OSBPL1A: variants seen among roughly 807,000 people sequenced by gnomAD.
OSBPL1A encodes the protein oxysterol-binding protein-related protein 1.
Under a neutral mutation model 137.1 loss-of-function variants are expected in OSBPL1A, and 80 were observed. That is an observed-to-expected ratio of 0.58 (90% CI 0.49 to 0.70). The LOEUF is 0.70. OSBPL1A is among the 30% of genes least tolerant of loss of function. OSBPL1A has a pLI of 0.00. For synonymous variants in OSBPL1A, 365 were observed against 389.7 expected (o/e 0.94, Z 0.75); for missense variants, 970 against 1,129.4 (o/e 0.86, Z 2.02).
At chr18:24,272,088 T>G (rs955262595) in intron 15 of OSBPL1A, 2 of 982,348 alleles carry the variant, frequency 2.0e-6, no homozygotes. Flanking sequence ...GAGGCGCAGG[T>G]AGGGACCGCC....
Position 24,344,068 on chromosome 18 carries a change from C to T in OSBPL1A, c.283-2410G>A, listed in dbSNP as rs117390836. 9.9e-4 allele frequency among the ~76,000 whole-genome samples: 150 copies of T among 152,242 alleles called. 1 individual carries two copies. In the East Asian group the frequency reaches 0.018, roughly 19 times the overall value. Reference sequence around the variant, plus strand: ...ATGTATCTAACAAGGGATTTATATACAGAATATGCAAAGAATGTCTAAAAC... The same window carrying T: ...ATGTATCTAACAAGGGATTTATATATAGAATATGCAAAGAATGTCTAAAAC... On this transcript the variant is annotated intron_variant, in intron 4 of 27. Transcript: ENST00000319481.
chr18:24,227,689 C>A (rs1205887639), intron 16 of OSBPL1A, among the ~76,000 whole-genome samples: 1 of 152,050 alleles, frequency 6.6e-6, no homozygotes, highest in East Asian at 1.9e-4. Flanking sequence ...GAGAGAGGTG[C>A]TCCAGGAGGC....
intron 2 of OSBPL1A, among the ~76,000 whole-genome samples, chr18:24,375,371 C>T (rs2146202771): frequency 7.0e-6 from 1 of 142,222 alleles, no homozygotes; most frequent in Middle Eastern, 3.6e-3. Flanking sequence ...CTAACGTTTA[C>T]TCTCCCCATA....
intron 15 of OSBPL1A, among the ~76,000 whole-genome samples, chr18:24,277,270 G>A (rs2089863423): frequency 6.7e-6 from 1 of 150,258 alleles, no homozygotes; most frequent in Non-Finnish European, 1.5e-5. Flanking sequence ...TAAAATTATG[G>A]TCTGACAAGG....
Position 24,163,223 on chromosome 18 carries a change from T to C in OSBPL1A, c.2809A>G (p.Ser937Gly). The C allele has an allele frequency of 6.2e-7, 1 of 1,613,726 alleles. No individual in the cohort carries two copies. Among genetic ancestry groups the C allele is most frequent in the South Asian group, 1.1e-5 (1 of 91,036 alleles). The change falls in exon 28 of 28, where the codon AGC becomes GGC. Residue 937 changes from serine (S) to glycine (G), a missense_variant. Physicochemically the swap from Ser to Gly is moderately conservative, Grantham distance 56. This residue lies in a region of OSBPL1A where 323 missense variants were observed against 456.8 expected (regional missense o/e 0.71). Transcript: ENST00000319481. ...TTGAAGTAATTTCTGTCCCAGTAGC[T>C]GCCAGAGTAAATCCAGTCCTGTGCT... ...NGAQDWIYSGSYWDRNYFNLP... is the reference protein window; with the variant it reads ...NGAQDWIYSGGYWDRNYFNLP...
chr18:24,187,171 T>C (rs2086771438), intron 18 of OSBPL1A, among the ~76,000 whole-genome samples: 2 of 152,242 alleles, frequency 1.3e-5, no homozygotes, highest in South Asian at 4.2e-4. Flanking sequence ...GTAAGGTTGC[T>C]ACAGATAAAT....
chr18:24,180,987 C>T (rs1385185356), intron 19 of OSBPL1A, among the ~76,000 whole-genome samples, 158 bp downstream of exon 19: 1 of 152,200 alleles, frequency 6.6e-6, no homozygotes, highest in Non-Finnish European at 1.5e-5. Context: ...ATGGTGTCAC[C>T]CTAACCAGAG....
chr18:24,275,753 G>T (rs1313547765), intron 15 of OSBPL1A, among the ~76,000 whole-genome samples: 1 of 150,494 alleles, frequency 6.6e-6, no homozygotes, highest in Non-Finnish European at 1.5e-5. Flanking sequence ...TCTTGAGACG[G>T]AGTCTCACTC....
At chr18:24,394,552 A>C (rs1055568558) in intron 1 of OSBPL1A, among the ~76,000 whole-genome samples, 81 of 152,328 alleles carry the variant, frequency 5.3e-4, no homozygotes, top group African/African-American at 1.9e-3. Flanking sequence ...TTAACAAATC[A>C]AGTTTAGTAA....
At chr18:24,292,348 A>T (rs548659046) in intron 14 of OSBPL1A, among the ~76,000 whole-genome samples, 2 of 152,220 alleles carry the variant, frequency 1.3e-5, no homozygotes, top group South Asian at 4.1e-4. Flanking sequence ...AATATGCCAC[A>T]GTTCTGATGG....
intron 7 of OSBPL1A, among the ~76,000 whole-genome samples, chr18:24,320,104 C>T (rs574993327): frequency 6.1e-4 from 93 of 151,792 alleles, no homozygotes; most frequent in Middle Eastern, 3.4e-3. Context: ...AAAAGGGGGG[C>T]TGGGGGTGGT....
chr18:24,208,053 C>T (rs1273115056), intron 17 of OSBPL1A, among the ~76,000 whole-genome samples: 2 of 152,088 alleles, frequency 1.3e-5, no homozygotes, highest in Non-Finnish European at 1.5e-5. Context: ...CCTACAAGTC[C>T]CAATTTAAAT....
intron 7 of OSBPL1A, among the ~76,000 whole-genome samples, chr18:24,332,168 G>A (rs2091089864): frequency 6.6e-6 from 1 of 151,838 alleles, no homozygotes; most frequent in African/African-American, 2.4e-5. Context: ...TTGAGGTCAG[G>A]AGTTCGAGAC....
intron 2 of OSBPL1A, 49 bp downstream of exon 2, chr18:24,377,364 A>G: frequency 6.4e-7 from 1 of 1,556,708 alleles, no homozygotes; most frequent in Non-Finnish European, 8.6e-7. Flanking sequence ...AAATGCTAAG[A>G]GTAGTGCAGA....
chr18:24,202,467 A>C (rs1274311810), intron 17 of OSBPL1A, among the ~76,000 whole-genome samples: 2 of 152,228 alleles, frequency 1.3e-5, no homozygotes, highest in Non-Finnish European at 2.9e-5. Context: ...ACTACGTAGG[A>C]GCTCTTTGTG....
intron 11 of OSBPL1A, among the ~76,000 whole-genome samples, chr18:24,315,013 C>T (rs12709785): frequency 0.13 from 20,246 of 152,074 alleles, 1,413 homozygotes; most frequent in South Asian, 0.16. Context: ...AGAGGCCCCC[C>T]ACCTGTTGCA....
At chr18:24,250,189 T>TG (rs200991274) in intron 15 of OSBPL1A, among the ~76,000 whole-genome samples, 373 of 21,810 alleles carry the variant, frequency 0.017, 1 homozygote, top group African/African-American at 0.061. Flanking sequence ...TTTGTTTGTT[T>TG]TTTTTGACAT....
At chr18:24,370,806 C>A (rs1202998804) in intron 2 of OSBPL1A, among the ~76,000 whole-genome samples, 1 of 152,068 alleles carries the variant, frequency 6.6e-6, no homozygotes, top group Non-Finnish European at 1.5e-5. Context: ...TAGCCGGGAC[C>A]ACAGGCATGC....
intron 13 of OSBPL1A, among the ~76,000 whole-genome samples, chr18:24,309,717 T>C (rs1342294717): frequency 6.6e-6 from 1 of 152,130 alleles, no homozygotes; most frequent in African/African-American, 2.4e-5. Flanking sequence ...TTTTACCTAT[T>C]TTGAACCAGT....
Sources: gnomAD v4.1 joint callset for allele counts (sites outside exome capture counted in the v4.1 genomes callset) on GRCh38, gnomAD v4.1.1 for gene constraint, gnomAD v4.1.1 regional missense constraint, MANE v1.5 for transcripts, NCBI Gene and HGNC (gene_info 2026-07-23, HGNC 2026-07-21) for gene names.